IMPG1: variants seen among roughly 807,000 people sequenced by gnomAD.
IMPG1 encodes the protein interphotoreceptor matrix proteoglycan 1.
In IMPG1, 85 loss-of-function variants were observed where a neutral mutation model predicts 92.0. The observed-to-expected ratio is 0.92, with a 90% CI of 0.78 to 1.11. The LOEUF (loss-of-function observed/expected upper bound fraction) is 1.11, where lower values mean the gene tolerates loss of function less well. IMPG1 is among the 50% of genes least tolerant of loss of function. IMPG1 has a pLI of 0.00. For synonymous variants in IMPG1, 367 were observed against 334.1 expected (o/e 1.10, Z -1.08); for missense variants, 1,022 against 956.0 (o/e 1.07, Z -0.91).
chr6:75,998,133 C>A (rs1782930902), intron 12 of IMPG1, among the ~76,000 whole-genome samples: 1 of 152,076 alleles, frequency 6.6e-6, no homozygotes, highest in African/African-American at 2.4e-5. Flanking sequence ...GAACTGATGG[C>A]CAAATACTGC....
intron 1 of IMPG1, among the ~76,000 whole-genome samples, chr6:76,043,311 C>G (rs1454199198): frequency 6.6e-6 from 1 of 152,060 alleles, no homozygotes; most frequent in Non-Finnish European, 1.5e-5. Flanking sequence ...AGGGAAGGCT[C>G]TCAAACCCAT....
chr6:75,947,572 A>C, intron 13 of IMPG1, 39 bp from the exon 14 acceptor site: 1 of 1,430,978 alleles, frequency 7.0e-7, no homozygotes, highest in South Asian at 1.2e-5. Flanking sequence ...ACTGTGTTCT[A>C]AGTGCTCAGC....
At chr6:76,021,938 C>T (rs976743194) in intron 6 of IMPG1, among the ~76,000 whole-genome samples, 178 bp downstream of exon 6, 3 of 151,660 alleles carry the variant, frequency 2.0e-5, no homozygotes, top group African/African-American at 4.8e-5. Flanking sequence ...CTTCCCCCCT[C>T]AGTACCTAGG....
chr6:76,028,600 C>T (rs556320457), intron 4 of IMPG1, among the ~76,000 whole-genome samples: 16 of 152,126 alleles, frequency 1.1e-4, no homozygotes, highest in Non-Finnish European at 1.9e-4. Context: ...GAGGCCGAGG[C>T]GGGTGGATCA....
At chr6:76,031,454 C>T (rs1212409996) in intron 4 of IMPG1, among the ~76,000 whole-genome samples, 1 of 152,180 alleles carries the variant, frequency 6.6e-6, no homozygotes, top group Non-Finnish European at 1.5e-5. Flanking sequence ...ATCAGCCTGC[C>T]ACAGGCTCTG....
At chr6:76,022,245 C>A (rs368088838) in intron 5 of IMPG1, 26 bp from the exon 6 acceptor site, 4 of 1,334,724 alleles carry the variant, frequency 3.0e-6, no homozygotes, top group Admixed American at 1.7e-5. Flanking sequence ...AAATTAAAGA[C>A]ACAAAAATGA....
intron 1 of IMPG1, among the ~76,000 whole-genome samples, chr6:76,057,139 C>A (rs976967846): frequency 9.9e-5 from 15 of 151,968 alleles, no homozygotes; most frequent in African/African-American, 3.6e-4. Flanking sequence ...ACATGGGGGG[C>A]TGTTGGAAGG....
intron 12 of IMPG1, among the ~76,000 whole-genome samples, chr6:75,953,398 CTAA>C (rs912846587): frequency 6.6e-6 from 1 of 151,660 alleles, no homozygotes; most frequent in Non-Finnish European, 1.5e-5. Context: ...GCTATTTCCC[CTAA>C]TGTTATACCT....
At chr6:75,985,225 T>C (rs922355189) in intron 12 of IMPG1, among the ~76,000 whole-genome samples, 3 of 152,240 alleles carry the variant, frequency 2.0e-5, no homozygotes, top group Non-Finnish European at 4.4e-5. Flanking sequence ...GTTTTGTTTT[T>C]CTGGTTAGAT....
At chr6:75,975,543 A>G (rs951549216) in intron 12 of IMPG1, among the ~76,000 whole-genome samples, 2 of 152,200 alleles carry the variant, frequency 1.3e-5, no homozygotes, top group African/African-American at 4.8e-5. Flanking sequence ...AACTCCACAA[A>G]CTATAAAAAG....
chr6:76,008,126 A>G (rs1473922520), intron 8 of IMPG1, among the ~76,000 whole-genome samples: 1 of 152,164 alleles, frequency 6.6e-6, no homozygotes, highest in African/African-American at 2.4e-5. Flanking sequence ...TTCTCATTTA[A>G]TCTTTTCAGC....
intron 9 of IMPG1, among the ~76,000 whole-genome samples, chr6:76,006,384 A>AAT (rs986449381): frequency 8.1e-5 from 12 of 147,680 alleles, no homozygotes; most frequent in African/African-American, 1.7e-4. Flanking sequence ...ATATATGTAA[A>AAT]ATATATATAT....
intron 9 of IMPG1, among the ~76,000 whole-genome samples, chr6:76,006,192 A>G (rs1783094092): frequency 6.6e-6 from 1 of 151,840 alleles, no homozygotes; most frequent in African/African-American, 2.4e-5. Flanking sequence ...ATTTTTTGTG[A>G]TCTTATAAGT....
chr6:76,034,452 G>T, intron 3 of IMPG1, 109 bp from the exon 4 acceptor site: 1 of 1,223,948 alleles, frequency 8.2e-7, no homozygotes. Context: ...CAACCTGACT[G>T]TACCATATTA....
chr6:75,966,711 T>C (rs1782313028), intron 12 of IMPG1, among the ~76,000 whole-genome samples: 1 of 152,072 alleles, frequency 6.6e-6, no homozygotes, highest in Non-Finnish European at 1.5e-5. Flanking sequence ...AAAAATGATA[T>C]GAAAAAGAAC....
intron 1 of IMPG1, among the ~76,000 whole-genome samples, chr6:76,056,638 T>C (rs1784125097): frequency 6.6e-6 from 1 of 152,188 alleles, no homozygotes; most frequent in African/African-American, 2.4e-5. Flanking sequence ...TAGTAATTTA[T>C]ATTTCCACCA....
At chr6:76,007,067 T>C (rs1218075323) in intron 9 of IMPG1, among the ~76,000 whole-genome samples, 1 of 152,196 alleles carries the variant, frequency 6.6e-6, no homozygotes, top group Admixed American at 6.5e-5. Context: ...ACATTGACCT[T>C]GGAAAGGAGC....
chr6:76,009,088 T>C (rs189881600), intron 8 of IMPG1, among the ~76,000 whole-genome samples: 1 of 152,350 alleles, frequency 6.6e-6, no homozygotes, highest in Admixed American at 6.5e-5. Context: ...GGCAAGAATA[T>C]ATGACAATTT....
At chr6:75,989,458 A>G (rs1437284686) in intron 12 of IMPG1, among the ~76,000 whole-genome samples, 1 of 152,222 alleles carries the variant, frequency 6.6e-6, no homozygotes, top group East Asian at 1.9e-4. Flanking sequence ...AACTCTCATG[A>G]AAAGCCCTTA....
Sources: gnomAD v4.1 joint callset for allele counts (sites outside exome capture counted in the v4.1 genomes callset) on GRCh38, gnomAD v4.1.1 for gene constraint, MANE v1.5 for transcripts, NCBI Gene and HGNC (gene_info 2026-07-23, HGNC 2026-07-21) for gene names.